FNDC3B: variants seen among roughly 807,000 people sequenced by gnomAD.
The protein encoded by FNDC3B is fibronectin type III domain-containing protein 3B.
FNDC3B carries 12 observed loss-of-function variants against 151.5 expected under a neutral mutation model. The ratio of observed to expected loss-of-function variants is 0.08; its 90% CI spans 0.05 to 0.13. The LOEUF is 0.13. Among genes scored for constraint, FNDC3B ranks in the 10% least tolerant of loss-of-function variants. The pLI, the probability that FNDC3B is intolerant of heterozygous loss-of-function variation, is 1.00. For synonymous variants in FNDC3B, 528 were observed against 549.0 expected (o/e 0.96, Z 0.54); for missense variants, 1,214 against 1,505.3 (o/e 0.81, Z 3.20).
intron 3 of FNDC3B, among the ~76,000 whole-genome samples, chr3:172,171,021 A>G (rs1723253186): frequency 6.6e-6 from 1 of 152,204 alleles, no homozygotes; most frequent in East Asian, 1.9e-4. Context: ...CTGCATGAAG[A>G]TATGTGGCTG....
intron 6 of FNDC3B, among the ~76,000 whole-genome samples, chr3:172,282,706 G>A (rs142386405): frequency 8.5e-4 from 129 of 152,078 alleles, no homozygotes; most frequent in African/African-American, 2.9e-3. Flanking sequence ...CCACCTCAAG[G>A]CCAACACCCC....
chr3:172,258,546 C>T (rs1728486610), intron 6 of FNDC3B, among the ~76,000 whole-genome samples: 1 of 152,192 alleles, frequency 6.6e-6, no homozygotes, highest in African/African-American at 2.4e-5. Context: ...TGAGAAGTCA[C>T]AGCGCACCAA....
intron 3 of FNDC3B, among the ~76,000 whole-genome samples, chr3:172,171,072 C>T (rs1327093644): frequency 6.6e-6 from 1 of 152,140 alleles, no homozygotes; most frequent in African/African-American, 2.4e-5. Context: ...GTCTATGTGG[C>T]TCTACAAAAG....
chr3:172,396,124 A>T (rs552578277), intron 25 of FNDC3B, among the ~76,000 whole-genome samples: 9 of 152,312 alleles, frequency 5.9e-5, no homozygotes, highest in Admixed American at 3.9e-4. Context: ...ATTATACGAA[A>T]CCTCCAAACT....
intron 2 of FNDC3B, among the ~76,000 whole-genome samples, chr3:172,116,810 C>A (rs1323634982): frequency 6.6e-6 from 1 of 152,224 alleles, no homozygotes; most frequent in Non-Finnish European, 1.5e-5. Context: ...AAGTGATCTG[C>A]CCGCCTTGGC....
chr3:172,330,850 T>C (rs760433494), intron 13 of FNDC3B, 135 bp downstream of exon 13: 7 of 644,710 alleles, frequency 1.1e-5, no homozygotes, highest in Non-Finnish European at 1.6e-5. Flanking sequence ...TCACCACCAC[T>C]ACCAACACCG....
intron 19 of FNDC3B, among the ~76,000 whole-genome samples, chr3:172,344,620 C>T (rs1318586868): frequency 1.3e-5 from 2 of 152,144 alleles, no homozygotes; most frequent in Non-Finnish European, 2.9e-5. Context: ...AAGTTTTATA[C>T]TGTCTTGTCT....
At chr3:172,179,752 G>A (rs947230177) in intron 3 of FNDC3B, among the ~76,000 whole-genome samples, 7 of 151,226 alleles carry the variant, frequency 4.6e-5, no homozygotes, top group African/African-American at 1.2e-4. Context: ...GCATGGTGGC[G>A]ACTGCCTGTA....
intron 9 of FNDC3B, chr3:172,302,483 C>G (rs1156562055): frequency 6.6e-6 from 1 of 152,196 alleles, no homozygotes; most frequent in East Asian, 1.9e-4. Flanking sequence ...AATTATATTC[C>G]AAGACATTTC....
chr3:172,182,226 A>AAC (rs1383370486), intron 3 of FNDC3B, among the ~76,000 whole-genome samples: 2 of 152,138 alleles, frequency 1.3e-5, no homozygotes, highest in Non-Finnish European at 2.9e-5. Flanking sequence ...AGTGGAGGAG[A>AAC]ACAATTCTAG....
chr3:172,296,611 C>T (rs1730619106), intron 8 of FNDC3B, among the ~76,000 whole-genome samples: 1 of 152,222 alleles, frequency 6.6e-6, no homozygotes, highest in African/African-American at 2.4e-5. Flanking sequence ...GGATTCCCCA[C>T]TGTATTTAGG....
chr3:172,340,342 A>G (rs1733236025), intron 16 of FNDC3B, among the ~76,000 whole-genome samples: 1 of 147,958 alleles, frequency 6.8e-6, no homozygotes, highest in Non-Finnish European at 1.5e-5. Flanking sequence ...CTGGTGTGCA[A>G]CGGCGCAATC....
In FNDC3B at chr3:172,292,757, G is replaced by A. The variant is rs80051930; in HGVS notation, c.850-2606G>A. ...CTCTTTGTAACAAATTATCTCCCAC[G>A]TTAAAAATAAAATATGATACCCAAT... is the stretch of plus-strand genomic sequence containing the variant. On this transcript the variant is annotated intron_variant, in intron 7 of 25. Coordinates refer to ENST00000415807, the MANE Select transcript of FNDC3B (RefSeq NM_022763.4). Among the ~76,000 whole-genome samples the A allele has an allele frequency of 5.2e-3, 786 of 152,184 alleles. 11 individuals carry two copies. Among genetic ancestry groups the A allele is most frequent in the East Asian group, 0.041 (211 of 5,184 alleles).
intron 3 of FNDC3B, among the ~76,000 whole-genome samples, chr3:172,220,044 C>G (rs184458095): frequency 7.7e-6 from 1 of 129,118 alleles, no homozygotes; most frequent in East Asian, 2.1e-4. Context: ...ATTGGTGGGT[C>G]ATAAGGTAAT....
At chr3:172,213,399 A>G (rs1725826549) in intron 3 of FNDC3B, among the ~76,000 whole-genome samples, 1 of 152,208 alleles carries the variant, frequency 6.6e-6, no homozygotes, top group African/African-American at 2.4e-5. Context: ...CAAGTCATAA[A>G]CCACAGTGGT....
intron 1 of FNDC3B, among the ~76,000 whole-genome samples, chr3:172,112,121 GA>G (rs1045548870): frequency 1.3e-5 from 2 of 152,194 alleles, no homozygotes; most frequent in African/African-American, 4.8e-5. Context: ...AAATGTGTAT[GA>G]ATTTCATTAC....
chr3:172,142,057 T>C (rs903157158), intron 3 of FNDC3B, among the ~76,000 whole-genome samples: 1 of 152,160 alleles, frequency 6.6e-6, no homozygotes, highest in Non-Finnish European at 1.5e-5. Flanking sequence ...AGTTTCCTTA[T>C]CTGTAGAGCT....
chr3:172,351,966 G>A (rs895678248), intron 21 of FNDC3B, among the ~76,000 whole-genome samples: 23 of 152,156 alleles, frequency 1.5e-4, no homozygotes, highest in African/African-American at 4.8e-4. Flanking sequence ...TCAAAGCAGG[G>A]GACTGGGCCA....
chr3:172,181,792 G>A (rs1305171617), intron 3 of FNDC3B, among the ~76,000 whole-genome samples: 2 of 128,006 alleles, frequency 1.6e-5, no homozygotes, highest in African/African-American at 6.1e-5. Context: ...TCACGCCACT[G>A]CACTCCAGCC....
Sources: gnomAD v4.1 joint callset for allele counts (sites outside exome capture counted in the v4.1 genomes callset) on GRCh38, gnomAD v4.1.1 for gene constraint, MANE v1.5 for transcripts, NCBI Gene and HGNC (gene_info 2026-07-23, HGNC 2026-07-21) for gene names.